PKD1L1: variants seen among roughly 807,000 people sequenced by gnomAD.
The protein encoded by PKD1L1 is polycystin 1 like 1, transient receptor potential channel interacting.
PKD1L1 carries 236 observed loss-of-function variants against 323.4 expected under a neutral mutation model. That is an observed-to-expected ratio of 0.73 (90% CI 0.66 to 0.81). The LOEUF is 0.81. Ranked by LOEUF, PKD1L1 falls within the 40% of genes least tolerant of loss-of-function variation. PKD1L1 has a pLI of 0.00. For missense variants in PKD1L1, 3,320 were observed against 3,508.0 expected (o/e 0.95, Z 1.35); for synonymous variants, 1,344 against 1,335.0 (o/e 1.01, Z -0.15).
At chr7:47,841,167 C>T (rs1364237275) in intron 34 of PKD1L1, among the ~76,000 whole-genome samples, 2 of 152,188 alleles carry the variant, frequency 1.3e-5, no homozygotes, top group African/African-American at 4.8e-5. Flanking sequence ...TTTGTGTTTT[C>T]ACCTTTCTGT....
chr7:47,782,344 T>C (rs1786717416), intron 56 of PKD1L1, among the ~76,000 whole-genome samples: 1 of 152,042 alleles, frequency 6.6e-6, no homozygotes, highest in Non-Finnish European at 1.5e-5. Flanking sequence ...AAAACCACAG[T>C]AACTTATGAA....
intron 4 of PKD1L1, among the ~76,000 whole-genome samples, chr7:47,936,025 T>A (rs752121895): frequency 6.6e-6 from 1 of 152,372 alleles, no homozygotes; most frequent in South Asian, 2.1e-4. Context: ...GTTCTTTATA[T>A]GCTTAAATGT....
At chr7:47,777,887 G>A (rs1007769512) in intron 56 of PKD1L1, among the ~76,000 whole-genome samples, 11 of 152,218 alleles carry the variant, frequency 7.2e-5, no homozygotes, top group African/African-American at 2.7e-4. Flanking sequence ...GATGCCTTCA[G>A]GAGCAAGTTC....
intron 44 of PKD1L1, 80 bp from the exon 45 acceptor site, chr7:47,827,548 G>C: frequency 8.1e-7 from 1 of 1,232,818 alleles, no homozygotes; most frequent in Non-Finnish European, 1.1e-6. Flanking sequence ...CCAAGCCAAG[G>C]AATGTGTCAT....
At chr7:47,945,200 G>A (rs1788070426) in intron 1 of PKD1L1, among the ~76,000 whole-genome samples, 1 of 152,206 alleles carries the variant, frequency 6.6e-6, no homozygotes, top group Admixed American at 6.5e-5. Context: ...GTAACCAGCT[G>A]CTAAAGGTGT....
At position 47,835,247 on chromosome 7, in the gene PKD1L1, C is replaced by T. The variant is rs1398725505; in HGVS notation, c.5944-4G>A. On this transcript the variant is annotated splice_region_variant and splice_polypyrimidine_tract_variant and intron_variant, in intron 37 of 56. Transcript: ENST00000289672. ...TGGGGCTGACGTCCAAGTGGGGCTG[C>T]AACAAAGCAACAGCAGCCATTACAT... 1 of 1,567,002 alleles carries T rather than the reference C, an allele frequency of 6.4e-7. No individual in the cohort carries two copies. Among genetic ancestry groups the T allele is most frequent in the Non-Finnish European group, 8.6e-7 (1 of 1,158,942 alleles).
At chr7:47,887,827 G>A (rs1245478869) in intron 17 of PKD1L1, among the ~76,000 whole-genome samples, 163 bp downstream of exon 17, 1 of 152,172 alleles carries the variant, frequency 6.6e-6, no homozygotes, top group Non-Finnish European at 1.5e-5. Context: ...GTGTTCACAC[G>A]GACTGTAGAG....
At chr7:47,930,667 T>C (rs1229134425) in intron 6 of PKD1L1, among the ~76,000 whole-genome samples, 1 of 151,772 alleles carries the variant, frequency 6.6e-6, no homozygotes, top group Admixed American at 6.6e-5. Context: ...ATACAAAAAT[T>C]ATCCCAGTGT....
At chr7:47,782,397 A>G (rs1786718617) in intron 56 of PKD1L1, among the ~76,000 whole-genome samples, 1 of 152,246 alleles carries the variant, frequency 6.6e-6, no homozygotes, top group Admixed American at 6.5e-5. Flanking sequence ...AAATCTCTGG[A>G]AAATTATTCA....
intron 23 of PKD1L1, among the ~76,000 whole-genome samples, 191 bp downstream of exon 23, chr7:47,875,906 T>A (rs1400797922): frequency 6.6e-6 from 1 of 152,234 alleles, no homozygotes; most frequent in Non-Finnish European, 1.5e-5. Context: ...TATAAAAAAC[T>A]GATTTAATTT....
chr7:47,784,288 A>G (rs1160141872), intron 56 of PKD1L1, among the ~76,000 whole-genome samples: 1 of 152,190 alleles, frequency 6.6e-6, no homozygotes, highest in Non-Finnish European at 1.5e-5. Flanking sequence ...TATATTAAGT[A>G]TTTGTAAGCC....
At chr7:47,806,231 G>T (rs1393747043) in intron 52 of PKD1L1, among the ~76,000 whole-genome samples, 1 of 152,168 alleles carries the variant, frequency 6.6e-6, no homozygotes, top group African/African-American at 2.4e-5. Context: ...CAGGTGAAAA[G>T]AACATCCTAC....
At chr7:47,914,689 T>A (rs1485052417) in intron 8 of PKD1L1, among the ~76,000 whole-genome samples, 3 of 152,100 alleles carry the variant, frequency 2.0e-5, no homozygotes, top group Non-Finnish European at 2.9e-5. Flanking sequence ...TCTCTCTCCC[T>A]CCCTCTCCAT....
chr7:47,877,164 C>T (rs569275368), intron 22 of PKD1L1, among the ~76,000 whole-genome samples: 45 of 152,234 alleles, frequency 3.0e-4, no homozygotes, highest in African/African-American at 8.9e-4. Flanking sequence ...CTTTGGGTCA[C>T]GTGCCTGCCT....
Position 47,888,151 on chromosome 7 carries a change from C to A in PKD1L1, c.2676-1G>T, listed in dbSNP as rs1198719041. 1 of 1,610,008 alleles carries A rather than the reference C, an allele frequency of 6.2e-7. No homozygotes were observed. Among genetic ancestry groups the A allele is most frequent in the Non-Finnish European group, 8.5e-7 (1 of 1,178,028 alleles). ...GCTGACCCAGGAGATGTGGACGAAT[C>A]TGAAATATATAAATTGGCTTGAGAT... On this transcript the variant is annotated splice_acceptor_variant, in intron 16 of 56. Transcript: ENST00000289672. LOFTEE classifies it high-confidence loss of function.
rs191264347 is a variant in PKD1L1, at chr7:47,885,446, G to A, written c.3205+240C>T. 2.4e-3 allele frequency among the ~76,000 whole-genome samples: 371 copies of A among 152,258 alleles called. 2 individuals carry two copies. The highest frequency in any genetic ancestry group is 7.7e-4 in the East Asian group (4 of 5,178). On this transcript the variant is annotated intron_variant, in intron 18 of 56. Transcript: ENST00000289672. Reference sequence around the variant, plus strand: ...ACTGTAGCACAGACACTGCACACACGGGACCTCACTGCAGCCTCAGAACCT... The same window carrying A: ...ACTGTAGCACAGACACTGCACACACAGGACCTCACTGCAGCCTCAGAACCT...
chr7:47,883,337 AC>A (rs1454516730), intron 19 of PKD1L1, among the ~76,000 whole-genome samples: 1 of 152,108 alleles, frequency 6.6e-6, no homozygotes, highest in African/African-American at 2.4e-5. Context: ...ATCCAGAACC[AC>A]CCCCAACAAA....
Position 47,832,885 on chromosome 7 carries a change from C to T in PKD1L1, c.6337+205G>A, listed in dbSNP as rs17545682. 0.14 allele frequency among the ~76,000 whole-genome samples: 21,685 copies of T among 152,292 alleles called. 1,798 individuals are homozygous for T. The highest frequency in any genetic ancestry group is 0.21 in the African/African-American group (8,919 of 41,554). ...TTTTAAAAAGATCTGACCAAACTTA[C>T]GTTAAGTACCTGCCAGAAAGCACCA... On this transcript the variant is annotated intron_variant, in intron 41 of 56. Transcript: ENST00000289672.
chr7:47,920,928 C>T (rs1583674508), intron 7 of PKD1L1, among the ~76,000 whole-genome samples: 2 of 152,136 alleles, frequency 1.3e-5, no homozygotes, highest in Admixed American at 1.3e-4. Context: ...AGACCTGAAA[C>T]TGTAAAAATT....
Sources: gnomAD v4.1 joint callset for allele counts (sites outside exome capture counted in the v4.1 genomes callset) on GRCh38, gnomAD v4.1.1 for gene constraint, MANE v1.5 for transcripts, NCBI Gene and HGNC (gene_info 2026-07-23, HGNC 2026-07-21) for gene names.